Variants in CCSER1 observed in about 807,000 individuals in gnomAD.
CCSER1 encodes serine-rich coiled-coil domain-containing protein 1.
CCSER1 carries 41 observed loss-of-function variants against 82.0 expected under a neutral mutation model. The ratio of observed to expected loss-of-function variants is 0.50; its 90% CI spans 0.39 to 0.65. The LOEUF (loss-of-function observed/expected upper bound fraction) is 0.65, where lower values mean the gene tolerates loss of function less well. Among genes scored for constraint, CCSER1 ranks in the 30% least tolerant of loss-of-function variants. The probability of loss-of-function intolerance (pLI) is 0.00; values close to 1 mark genes in which losing one functional copy is unlikely to be tolerated. For synonymous variants in CCSER1, 414 were observed against 383.9 expected, an observed-to-expected ratio of 1.08 and a Z score of -0.92; for missense variants, 1,119 against 1,064.2, an observed-to-expected ratio of 1.05 and a Z score of -0.72.
At chr4:90,985,544 A>C (rs1736510941) in intron 9 of CCSER1, among the ~76,000 whole-genome samples, 1 of 151,658 alleles carries the variant, frequency 6.6e-6, no homozygotes, top group African/African-American at 2.4e-5. Context: ...TCCCTTAAAT[A>C]TTTGTTCATT....
chr4:91,283,912 C>G (rs1743095281), intron 10 of CCSER1, among the ~76,000 whole-genome samples: 1 of 152,086 alleles, frequency 6.6e-6, no homozygotes, highest in African/African-American at 2.4e-5. Context: ...TGTGCTGTAG[C>G]ATGGCATGCT....
At chr4:90,929,733 T>C (rs1279219891) in intron 9 of CCSER1, among the ~76,000 whole-genome samples, 1 of 152,142 alleles carries the variant, frequency 6.6e-6, no homozygotes, top group Non-Finnish European at 1.5e-5. Flanking sequence ...CACACGAGGA[T>C]GGGGAGAGAA....
At chr4:91,594,699 A>G (rs1359241711) in intron 10 of CCSER1, among the ~76,000 whole-genome samples, 1 of 152,154 alleles carries the variant, frequency 6.6e-6, no homozygotes, top group East Asian at 1.9e-4. Context: ...TTCAAGATCT[A>G]AATTCTATTG....
intron 10 of CCSER1, among the ~76,000 whole-genome samples, chr4:91,481,099 C>T (rs2110043442): frequency 1.5e-5 from 2 of 134,076 alleles, no homozygotes; most frequent in Middle Eastern, 8.2e-3. Flanking sequence ...CCCTTCCCTT[C>T]CCCTCCCCTA....
At chr4:91,248,108 G>A (rs1230079772) in intron 10 of CCSER1, among the ~76,000 whole-genome samples, 1 of 152,116 alleles carries the variant, frequency 6.6e-6, no homozygotes, top group Non-Finnish European at 1.5e-5. Context: ...GAGCTCCAGT[G>A]TTCAATGCTA....
chr4:90,489,064 G>A (rs757908093), intron 5 of CCSER1, among the ~76,000 whole-genome samples: 4 of 152,196 alleles, frequency 2.6e-5, no homozygotes, highest in South Asian at 4.2e-4. Flanking sequence ...TACTGAGTTT[G>A]GGATTAATAA....
In CCSER1 at chr4:90,723,973, A is replaced by G; in HGVS notation, c.1992A>G (p.Glu664=). 1 of 1,574,896 alleles carries G rather than the reference A, an allele frequency of 6.3e-7. No homozygotes were observed. Among genetic ancestry groups the G allele is most frequent in the Non-Finnish European group, 8.6e-7 (1 of 1,157,458 alleles). ...TTSLPVSPLT[E]EPVPFKDIMK... is the part of the protein sequence containing the mutation. The stretch of plus-strand genomic sequence containing the variant: ...CACTTCCTGTTAGTCCTCTTACTGA[A>G]GAGCCAGTGCCTTTCAAGGTAAAAA... The change falls in exon 7 of 11, where the codon GAA becomes GAG. Residue 664 remains glutamate (E), a synonymous_variant. Coordinates refer to ENST00000509176, the MANE Select transcript of CCSER1 (RefSeq NM_001145065.2).
chr4:90,794,794 C>G (rs1049268509), intron 7 of CCSER1, among the ~76,000 whole-genome samples: 7 of 152,262 alleles, frequency 4.6e-5, no homozygotes, highest in South Asian at 2.1e-4. Context: ...TTATTCCTAT[C>G]TATGAGCATG....
At chr4:91,035,866 T>C (rs923665977) in intron 9 of CCSER1, among the ~76,000 whole-genome samples, 1 of 152,144 alleles carries the variant, frequency 6.6e-6, no homozygotes, top group African/African-American at 2.4e-5. Context: ...AAAATAAGGA[T>C]TTAATAATAA....
At chr4:91,345,118 C>T (rs1406080562) in intron 10 of CCSER1, among the ~76,000 whole-genome samples, 3 of 152,144 alleles carry the variant, frequency 2.0e-5, no homozygotes, top group African/African-American at 4.8e-5. Context: ...TGGCCTGGCA[C>T]GGTGGCTCAC....
chr4:91,373,251 A>G (rs1192050546), intron 10 of CCSER1, among the ~76,000 whole-genome samples: 1 of 152,094 alleles, frequency 6.6e-6, no homozygotes, highest in Non-Finnish European at 1.5e-5. Flanking sequence ...TTATAGGCAC[A>G]TCTCATGTTA....
intron 7 of CCSER1, chr4:90,780,703 C>G (rs1426375046): frequency 5.3e-6 from 7 of 1,314,118 alleles, no homozygotes; most frequent in Non-Finnish European, 6.7e-6. Flanking sequence ...GACAAACGGT[C>G]AGGAGGCCTC....
chr4:90,583,998 G>A (rs1781710111), intron 5 of CCSER1, among the ~76,000 whole-genome samples: 1 of 151,808 alleles, frequency 6.6e-6, no homozygotes, highest in Non-Finnish European at 1.5e-5. Context: ...GATTATAATT[G>A]TGCATATTAA....
chr4:91,358,566 A>G (rs1749025544), intron 10 of CCSER1, among the ~76,000 whole-genome samples: 2 of 152,058 alleles, frequency 1.3e-5, no homozygotes. Context: ...ACCAAAACCA[A>G]AGTATCCAGC....
At chr4:91,271,019 TA>T (rs1741986478) in intron 10 of CCSER1, among the ~76,000 whole-genome samples, 1 of 152,162 alleles carries the variant, frequency 6.6e-6, no homozygotes, top group Non-Finnish European at 1.5e-5. Context: ...AACTTATTCT[TA>T]AATATGTCTT....
intron 9 of CCSER1, among the ~76,000 whole-genome samples, chr4:90,975,448 AT>A (rs998430563): frequency 6.6e-6 from 1 of 151,272 alleles, no homozygotes; most frequent in East Asian, 1.9e-4. Flanking sequence ...ATATACAATA[AT>A]TTTTTTCTAA....
intron 10 of CCSER1, among the ~76,000 whole-genome samples, chr4:91,148,664 G>T (rs553898183): frequency 6.6e-6 from 1 of 152,124 alleles, no homozygotes; most frequent in Admixed American, 6.5e-5. Flanking sequence ...GCCCCGGTGT[G>T]TGATGTTCCG....
At chr4:90,886,482 G>A (rs900959348) in intron 8 of CCSER1, among the ~76,000 whole-genome samples, 1 of 152,102 alleles carries the variant, frequency 6.6e-6, no homozygotes, top group Non-Finnish European at 1.5e-5. Context: ...ATTTCTCTTT[G>A]GCAGATGTTA....
At chr4:90,668,477 A>C (rs1056124775) in intron 6 of CCSER1, among the ~76,000 whole-genome samples, 3 of 152,172 alleles carry the variant, frequency 2.0e-5, no homozygotes, top group African/African-American at 7.2e-5. Flanking sequence ...TTACATGCTC[A>C]TTTTTATGCT....
Sources: gnomAD v4.1 joint callset for allele counts (sites outside exome capture counted in the v4.1 genomes callset) on GRCh38, gnomAD v4.1.1 for gene constraint, MANE v1.5 for transcripts, NCBI Gene and HGNC (gene_info 2026-07-23, HGNC 2026-07-21) for gene names.